Variants in PNPT1 observed in about 807,000 individuals in gnomAD.
The protein encoded by PNPT1 is polyribonucleotide nucleotidyltransferase 1, mitochondrial.
A neutral mutation model predicts 119.5 loss-of-function variants in PNPT1; 53 were observed. That is an observed-to-expected ratio of 0.44 (90% CI 0.36 to 0.56). PNPT1 has a LOEUF of 0.56. PNPT1 is among the 20% of genes least tolerant of loss of function. PNPT1 has a pLI of 0.00. For missense variants in PNPT1, 948 were observed against 938.5 expected (o/e 1.01, Z -0.13); for synonymous variants, 357 against 322.1 (o/e 1.11, Z -1.16).
At chr2:55,656,406 A>G (rs566620780) in intron 15 of PNPT1, 35 bp from the exon 16 acceptor site, 2 of 1,527,656 alleles carry the variant, frequency 1.3e-6, no homozygotes, top group South Asian at 2.4e-5. Context: ...CACATATACA[A>G]TTGACATAGA....
intron 10 of PNPT1, among the ~76,000 whole-genome samples, 172 bp downstream of exon 10, chr2:55,671,823 T>G (rs1330178806): frequency 6.6e-6 from 1 of 151,984 alleles, no homozygotes; most frequent in Non-Finnish European, 1.5e-5. Context: ...AGAGACTCTG[T>G]CTCAAAAACA....
intron 13 of PNPT1, among the ~76,000 whole-genome samples, chr2:55,663,355 A>G (rs1696639697): frequency 6.6e-6 from 1 of 152,236 alleles, no homozygotes; most frequent in Non-Finnish European, 1.5e-5. Context: ...GAGAGGAAAG[A>G]GAACATAGTT....
At chr2:55,682,705 C>G (rs755134394) in intron 5 of PNPT1, among the ~76,000 whole-genome samples, 4 of 151,994 alleles carry the variant, frequency 2.6e-5, no homozygotes, top group Non-Finnish European at 5.9e-5. Context: ...AGCAGGAGTT[C>G]AAGACCAGCC....
intron 1 of PNPT1, among the ~76,000 whole-genome samples, chr2:55,692,730 G>T (rs1248008641): frequency 2.0e-5 from 3 of 152,090 alleles, no homozygotes; most frequent in African/African-American, 7.2e-5. Flanking sequence ...TATAACTGGC[G>T]TTCAAAAAAC....
At chr2:55,686,761 C>T (rs1697417065) in intron 2 of PNPT1, among the ~76,000 whole-genome samples, 2 of 152,282 alleles carry the variant, frequency 1.3e-5, no homozygotes, top group South Asian at 2.1e-4. Flanking sequence ...ATACCAAAAT[C>T]ACTTTCTCTA....
intron 14 of PNPT1, among the ~76,000 whole-genome samples, chr2:55,660,430 T>C (rs1696529094): frequency 6.6e-6 from 1 of 152,212 alleles, no homozygotes; most frequent in Non-Finnish European, 1.5e-5. Context: ...TAAATATAAG[T>C]CCTTAAATAT....
At chr2:55,686,910 A>T (rs1373623357) in intron 2 of PNPT1, among the ~76,000 whole-genome samples, 2 of 152,122 alleles carry the variant, frequency 1.3e-5, no homozygotes, top group East Asian at 3.9e-4. Flanking sequence ...CAGGTGGATC[A>T]CGAGGTCAAG....
At chr2:55,683,708 C>T in intron 5 of PNPT1, 77 bp downstream of exon 5, 4 of 1,300,702 alleles carry the variant, frequency 3.1e-6, no homozygotes, top group South Asian at 2.6e-5. Flanking sequence ...ATAATGTTTA[C>T]TCTAGGAAAT....
chr2:55,648,557 CTTG>C (rs575525110), intron 18 of PNPT1, among the ~76,000 whole-genome samples: 3 of 152,088 alleles, frequency 2.0e-5, no homozygotes, highest in Non-Finnish European at 4.4e-5. Context: ...TTAAATCTGA[CTTG>C]TTTTTTATGA....
In PNPT1 at chr2:55,682,189, C is replaced by T. The variant is rs985477493; in HGVS notation, c.454-1271G>A. Among the ~76,000 whole-genome samples, 28 of 151,936 alleles carry T rather than the reference C, an allele frequency of 1.8e-4. 1 individual carries two copies. The highest frequency in any genetic ancestry group is 4.6e-4 in the African/African-American group (19 of 41,428). ...ATAAAAAATTTCTGTTGGCCAGGTG[C>T]AGTGGCTCAGGCCTATACCAGCACT... is the stretch of plus-strand genomic sequence containing the variant. On this transcript the variant is annotated intron_variant, in intron 5 of 27. Coordinates refer to ENST00000447944, the MANE Select transcript of PNPT1 (RefSeq NM_033109.5).
chr2:55,674,806 G>A (rs1697015160), intron 8 of PNPT1, among the ~76,000 whole-genome samples: 1 of 152,120 alleles, frequency 6.6e-6, no homozygotes, highest in Non-Finnish European at 1.5e-5. Flanking sequence ...TTTTGCACCA[G>A]GCCTGAAGAA....
chr2:55,685,079 A>G, intron 3 of PNPT1, 31 bp from the exon 4 acceptor site: 1 of 1,522,210 alleles, frequency 6.6e-7, no homozygotes, highest in South Asian at 1.2e-5. Flanking sequence ...AGTTCATATA[A>G]TTCTTTTTGC....
intron 22 of PNPT1, chr2:55,645,084 C>T (rs970910390): frequency 1.2e-5 from 3 of 257,736 alleles, no homozygotes; most frequent in Admixed American, 5.3e-5. Flanking sequence ...AGTGCAGTGG[C>T]GCGATCTCGG....
chr2:55,644,470 TA>T (rs1695926641), intron 23 of PNPT1, among the ~76,000 whole-genome samples, 166 bp downstream of exon 23: 1 of 152,212 alleles, frequency 6.6e-6, no homozygotes, highest in Non-Finnish European at 1.5e-5. Flanking sequence ...AATTTATTAA[TA>T]GGCACACAGA....
rs528293219 is a variant in PNPT1 at position 55,671,846 on chromosome 2, A to T, written c.918+149T>A. On this transcript the variant is annotated intron_variant, in intron 10 of 27. Transcript: ENST00000447944. ...TGTCTCAAAAACAAAACAAAACAAA[A>T]GAATGGAGAAACAATTAGGCTTTTG... The T allele has an allele frequency of 2.8e-5, 18 of 631,794 alleles. No homozygotes were observed. In the African/African-American group the frequency reaches 3.3e-4, roughly 11 times the overall value. The allele number at this position is 631,794 out of a possible 1,614,324, so 39.1% of individuals were successfully genotyped here. A position where few individuals can be genotyped will look rare whatever the true frequency, so the allele number is the denominator to read the frequency against.
Position 55,646,260 on chromosome 2 carries a change from T to C in PNPT1, c.1737A>G (p.Ser579=). 6.2e-7 allele frequency: 1 copy of C among 1,611,728 alleles called. No homozygotes were observed. Among genetic ancestry groups the C allele is most frequent in the South Asian group, 1.1e-5 (1 of 90,942 alleles). ...KIVMEAIQQA[S]VAKKEILQIM... ...GGAGAATCAAGCACACTAGCTCACC[T>C]GAAGCTTGTTGAATAGCCTCCATCA... Residue 579 remains serine, a splice_region_variant and synonymous_variant, in exon 21 of 28, where the codon TCA becomes TCG. Transcript: ENST00000447944.
intron 13 of PNPT1, among the ~76,000 whole-genome samples, chr2:55,662,933 T>A (rs1572815103): frequency 6.7e-6 from 1 of 149,534 alleles, no homozygotes; most frequent in African/African-American, 2.5e-5. Context: ...CAGGCTGGAG[T>A]ACAGTGGCAC....
chr2:55,644,537 C>T, intron 23 of PNPT1, 100 bp downstream of exon 23: 1 of 793,614 alleles, frequency 1.3e-6, no homozygotes. Context: ...TCTCATTTCT[C>T]AAATAAATAT....
intron 5 of PNPT1, among the ~76,000 whole-genome samples, chr2:55,683,431 G>A (rs993512260): frequency 3.3e-5 from 5 of 152,036 alleles, no homozygotes; most frequent in African/African-American, 1.2e-4. Flanking sequence ...TGACCAACAT[G>A]GTGAAAACTG....
Sources: allele counts gnomAD v4.1 joint callset (sites outside exome capture counted in the v4.1 genomes callset), GRCh38; gene constraint gnomAD v4.1.1; transcripts MANE v1.5; gene names NCBI Gene and HGNC (gene_info 2026-07-23, HGNC 2026-07-21).